CATSPERE: variants seen among roughly 807,000 people sequenced by gnomAD.
CATSPERE encodes cation channel sperm-associated auxiliary subunit epsilon.
A neutral mutation model predicts 114.1 loss-of-function variants in CATSPERE; 93 were observed. The observed-to-expected ratio is 0.81, with a 90% CI of 0.69 to 0.97. The LOEUF (loss-of-function observed/expected upper bound fraction) is 0.97. Ranked by LOEUF, CATSPERE falls within the 50% of genes least tolerant of loss-of-function variation. The pLI is 0.00. For missense variants in CATSPERE, 1,058 were observed against 1,131.6 expected, an observed-to-expected ratio of 0.93 and a Z score of 0.93; for synonymous variants, 341 against 384.1, an observed-to-expected ratio of 0.89 and a Z score of 1.31.
Position 244,593,571 on chromosome 1 carries a change from G to A in CATSPERE, c.2296G>A (p.Val766Ile). 1 of 1,612,624 alleles carries A rather than the reference G, an allele frequency of 6.2e-7. No individual in the cohort carries two copies. The highest frequency in any genetic ancestry group is 1.1e-5 in the South Asian group (1 of 91,016). The change falls in exon 17 of 22, where the codon GTT (valine) becomes ATT (isoleucine). Residue 766 changes from valine (V) to isoleucine (I), a missense_variant. Val to Ile is a conservative substitution (Grantham distance 29). This residue lies in a region of CATSPERE where 787 missense variants were observed against 905.6 expected (regional missense o/e 0.87). Coordinates refer to ENST00000366534, the MANE Select transcript of CATSPERE (RefSeq NM_001130957.2). ...LDFTEKFQPV[V>I]QLFDDNGYVK... ...CTTCACAGAAAAGTTTCAACCTGTG[G>A]TTCAACTGTAAGTATATTCTCATCA...
rs148817041 is a variant in CATSPERE at position 244,571,574 on chromosome 1, G to A, written c.1508-756G>A. On this transcript the variant is annotated intron_variant, in intron 10 of 21. Coordinates refer to ENST00000366534, the MANE Select transcript of CATSPERE (RefSeq NM_001130957.2). ...GAGTGAACCTGCAGAGGTAGGCTAT[G>A]CTTTATACCACTCTCACCCCCACTC... Among the ~76,000 whole-genome samples, 9 of 152,280 alleles carry A rather than the reference G, an allele frequency of 5.9e-5. 1 individual carries two copies. The East Asian group carries it at 1.7e-3, about 29-fold the overall frequency.
chr1:244,511,506 G>A (rs1256549825), intron 7 of CATSPERE, among the ~76,000 whole-genome samples: 1 of 151,972 alleles, frequency 6.6e-6, no homozygotes, highest in Non-Finnish European at 1.5e-5. Flanking sequence ...CTGTCATTCT[G>A]TTAATTTTTT....
chr1:244,542,908 A>G (rs1048985983), intron 8 of CATSPERE, among the ~76,000 whole-genome samples: 12 of 152,240 alleles, frequency 7.9e-5, no homozygotes, highest in African/African-American at 2.7e-4. Flanking sequence ...TAAAAGCACA[A>G]TGAGGTATCA....
At chr1:244,482,961 T>C (rs1175356662) in intron 5 of CATSPERE, among the ~76,000 whole-genome samples, 1 of 152,234 alleles carries the variant, frequency 6.6e-6, no homozygotes, top group Non-Finnish European at 1.5e-5. Context: ...CTTCCATGAG[T>C]TGCTTCTCTA....
At chr1:244,462,406 G>A (rs185945264) in intron 1 of CATSPERE, among the ~76,000 whole-genome samples, 1 of 152,300 alleles carries the variant, frequency 6.6e-6, no homozygotes, top group East Asian at 1.9e-4. Flanking sequence ...TTGAGCTACT[G>A]TTCTCTCCCT....
Position 244,593,503 on chromosome 1 carries a change from TAAGG to T in CATSPERE, c.2229_2232del (p.Arg744IlefsTer10). Reference sequence around the variant, plus strand: ...AAAGTAGTTTTCCTTTTCTAGAGAGTAAGGTATATTTGGGGAGAATATGGCTGCC... The same window carrying T: ...AAAGTAGTTTTCCTTTTCTAGAGAGTTATATTTGGGGAGAATATGGCTGCC... On this transcript the variant is annotated frameshift_variant, in exon 17 of 22. Transcript: ENST00000366534. LOFTEE classifies it high-confidence loss of function. 1 of 1,613,796 alleles carries T rather than the reference TAAGG, an allele frequency of 6.2e-7. No homozygotes were observed. Among genetic ancestry groups the T allele is most frequent in the East Asian group, 2.2e-5 (1 of 44,868 alleles).
At chr1:244,471,383 T>G (rs1668453361) in intron 2 of CATSPERE, among the ~76,000 whole-genome samples, 1 of 152,238 alleles carries the variant, frequency 6.6e-6, no homozygotes, top group Non-Finnish European at 1.5e-5. Flanking sequence ...AAAGGCAAAT[T>G]AATTGAGGTA....
At chr1:244,615,978 A>G (rs1366313494) in intron 19 of CATSPERE, among the ~76,000 whole-genome samples, 3 of 150,998 alleles carry the variant, frequency 2.0e-5, no homozygotes, top group Admixed American at 6.6e-5. Context: ...AAAAGTAAAA[A>G]ATTAGCCAGG....
intron 20 of CATSPERE, among the ~76,000 whole-genome samples, chr1:244,632,991 C>T (rs774597582): frequency 2.6e-5 from 4 of 151,944 alleles, no homozygotes; most frequent in Non-Finnish European, 5.9e-5. Flanking sequence ...GCCAGATTGG[C>T]CATATTAATA....
chr1:244,490,504 A>T, intron 6 of CATSPERE, 33 bp downstream of exon 6: 1 of 1,208,388 alleles, frequency 8.3e-7, no homozygotes, highest in African/African-American at 1.5e-5. Context: ...TATAGCCTTC[A>T]TATATCACTA....
intron 6 of CATSPERE, among the ~76,000 whole-genome samples, chr1:244,497,563 G>A (rs1673302851): frequency 6.6e-6 from 1 of 152,114 alleles, no homozygotes; most frequent in African/African-American, 2.4e-5. Flanking sequence ...TTGGGAGGCC[G>A]AGGCAGGCAG....
intron 7 of CATSPERE, among the ~76,000 whole-genome samples, chr1:244,505,116 A>G (rs145385270): frequency 1.1e-4 from 16 of 152,190 alleles, no homozygotes; most frequent in African/African-American, 3.9e-4. Flanking sequence ...CATCCCTTTG[A>G]CATTCTCTCA....
intron 8 of CATSPERE, among the ~76,000 whole-genome samples, chr1:244,530,532 A>AT (rs1006648264): frequency 1.1e-4 from 16 of 150,640 alleles, no homozygotes; most frequent in Admixed American, 7.3e-4. Context: ...AAATTTTAGG[A>AT]TTTTTTTTTC....
intron 8 of CATSPERE, among the ~76,000 whole-genome samples, chr1:244,532,981 G>GTC (rs60204548): frequency 3.3e-4 from 50 of 151,726 alleles, no homozygotes; most frequent in African/African-American, 1.1e-3. Context: ...TTGTATTGGG[G>GTC]TCTCTCTCTC....
chr1:244,625,584 A>G (rs1219221926), intron 20 of CATSPERE, among the ~76,000 whole-genome samples: 1 of 149,650 alleles, frequency 6.7e-6, no homozygotes, highest in Admixed American at 6.6e-5. Flanking sequence ...ATGTGCCACC[A>G]TGCCCGGCTA....
At chr1:244,452,129 T>G, upstream of CATSPERE, 1 of 232,894 alleles carries the variant, frequency 4.3e-6, no homozygotes, top group Non-Finnish European at 8.3e-6. Context: ...GGCGCGCCAC[T>G]CCCGTGCAAA....
intron 15 of CATSPERE, 91 bp downstream of exon 15, chr1:244,591,822 C>T (rs1002440298): frequency 1.8e-5 from 14 of 789,328 alleles, no homozygotes; most frequent in Non-Finnish European, 2.5e-5. Flanking sequence ...TTATTATTAG[C>T]ATCCATGTGT....
intron 11 of CATSPERE, among the ~76,000 whole-genome samples, chr1:244,578,998 G>A (rs1010906554): frequency 1.3e-5 from 2 of 151,100 alleles, no homozygotes; most frequent in African/African-American, 4.9e-5. Flanking sequence ...AGCATCACTA[G>A]TGGCACCCTC....
At chr1:244,576,415 A>G (rs1007454580) in intron 11 of CATSPERE, among the ~76,000 whole-genome samples, 3 of 150,448 alleles carry the variant, frequency 2.0e-5, no homozygotes, top group Non-Finnish European at 4.4e-5. Flanking sequence ...ATTCAGATAA[A>G]AAGTTTTCTC....
Sources: gnomAD v4.1 joint callset for allele counts (sites outside exome capture counted in the v4.1 genomes callset) on GRCh38, gnomAD v4.1.1 for gene constraint, gnomAD v4.1.1 regional missense constraint, MANE v1.5 for transcripts, NCBI Gene and HGNC (gene_info 2026-07-23, HGNC 2026-07-21) for gene names.